Variants in PRPSAP1 observed in about 807,000 individuals in gnomAD.
PRPSAP1 encodes phosphoribosyl pyrophosphate synthase-associated protein 1.
PRPSAP1 carries 31 observed loss-of-function variants against 39.4 expected under a neutral mutation model. The observed-to-expected ratio is 0.79, with a 90% confidence interval of 0.59 to 1.06. The LOEUF (loss-of-function observed/expected upper bound fraction) is 1.06, where lower values mean the gene tolerates loss of function less well. Ranked by LOEUF, PRPSAP1 falls within the 50% of genes least tolerant of loss-of-function variation. PRPSAP1 has a pLI of 0.00. For missense variants in PRPSAP1, 430 were observed against 511.6 expected, an observed-to-expected ratio of 0.84 and a Z score of 1.54; for synonymous variants, 212 against 192.6, an observed-to-expected ratio of 1.10 and a Z score of -0.83.
chr17:76,335,184 T>C (rs934141821), intron 3 of PRPSAP1, among the ~76,000 whole-genome samples: 3 of 151,964 alleles, frequency 2.0e-5, no homozygotes, highest in Non-Finnish European at 4.4e-5. Flanking sequence ...CCTGGGTTCA[T>C]GCAATCTTCC....
intron 7 of PRPSAP1, among the ~76,000 whole-genome samples, chr17:76,316,163 G>A (rs1249067504): frequency 5.1e-5 from 7 of 137,052 alleles, no homozygotes; most frequent in Non-Finnish European, 3.1e-5. Flanking sequence ...GCAACAGAGT[G>A]AGACTCCGTC....
chr17:76,328,186 C>CA (rs56020637), intron 7 of PRPSAP1, among the ~76,000 whole-genome samples: 1,839 of 108,754 alleles, frequency 0.017, 33 homozygotes, highest in Middle Eastern at 0.038. Context: ...GATCCTTTCT[C>CA]AAAAAAAAAA....
Position 76,320,332 on chromosome 17 carries a change from G to A in PRPSAP1, c.782-6441C>T, listed in dbSNP as rs181540863. 2.3e-3 allele frequency among the ~76,000 whole-genome samples: 278 copies of A among 123,008 alleles called. 9 individuals are homozygous for A. The highest frequency in any genetic ancestry group is 3.5e-3 in the Non-Finnish European group (226 of 63,816). 80.7% of individuals were successfully genotyped at this position (123,008 alleles called of 152,430 possible). A position where few individuals can be genotyped will look rare whatever the true frequency, so the allele number is the denominator to read the frequency against. Reference sequence around the variant, plus strand: ...GGAAGGGAGGAAGGGAAGAAGGGAGGGAGGGAGGGAGGAAGGAAGGAAGAA... The same window carrying A: ...GGAAGGGAGGAAGGGAAGAAGGGAGAGAGGGAGGGAGGAAGGAAGGAAGAA... On this transcript the variant is annotated intron_variant, in intron 7 of 9. Transcript: ENST00000446526.
At chr17:76,352,644 C>CAA (rs55986677) in intron 1 of PRPSAP1, among the ~76,000 whole-genome samples, 543 of 52,478 alleles carry the variant, frequency 0.01, 10 homozygotes, top group East Asian at 0.028. Context: ...GACTCCGTCT[C>CAA]AAAAAAAAAA....
upstream of PRPSAP1, chr17:76,354,067 G>A (rs754124053): frequency 5.4e-4 from 572 of 1,064,148 alleles, 1 homozygote; most frequent in Non-Finnish European, 6.3e-4. Context: ...TGCTTTGACC[G>A]CTTCCACGGG....
At chr17:76,330,407 A>C (rs1375097618) in intron 5 of PRPSAP1, 144 bp downstream of exon 5, 1 of 663,604 alleles carries the variant, frequency 1.5e-6, no homozygotes, top group African/African-American at 1.8e-5. Context: ...CCACGACTAA[A>C]GCTGACCCTG....
intron 1 of PRPSAP1, chr17:76,353,233 C>A: frequency 2.8e-6 from 1 of 357,708 alleles, no homozygotes; most frequent in East Asian, 5.2e-5. Context: ...CACTCCGGGG[C>A]TCCAGAAAGC....
chr17:76,353,911 A>G lies in PRPSAP1; in HGVS notation c.-208T>C, dbSNP rs1049872283. 7.5e-6 allele frequency: 10 copies of G among 1,325,864 alleles called. No homozygotes were observed. The African/African-American group carries it at 9.3e-5, about 12-fold the overall frequency. 82.1% of individuals were successfully genotyped at this position (1,325,864 alleles called of 1,614,324 possible). ...CGCCCGGCGCCGCCGCCTCAGAGCC[A>G]GAGGCAAGGCCACCGCCCCCTCCGG... On this transcript the variant is annotated 5_prime_UTR_variant, in exon 1 of 10. Transcript: ENST00000446526.
At chr17:76,324,526 A>G (rs1289284244) in intron 7 of PRPSAP1, among the ~76,000 whole-genome samples, 1 of 151,802 alleles carries the variant, frequency 6.6e-6, no homozygotes, top group Non-Finnish European at 1.5e-5. Flanking sequence ...ACTTAAATCC[A>G]GGAGGTGGAA....
intron 8 of PRPSAP1, 122 bp downstream of exon 8, chr17:76,313,699 G>A: frequency 9.2e-7 from 1 of 1,087,644 alleles, no homozygotes; most frequent in Non-Finnish European, 1.4e-6. Flanking sequence ...GGGAGTTTGG[G>A]TGAGAAAGGA....
chr17:76,317,196 A>G (rs556879948), intron 7 of PRPSAP1, among the ~76,000 whole-genome samples: 14 of 152,318 alleles, frequency 9.2e-5, no homozygotes, highest in Admixed American at 2.0e-4. Flanking sequence ...CTAAAAATAT[A>G]AAAATTAGCC....
At chr17:76,329,185 C>G (rs2071290493) in intron 6 of PRPSAP1, among the ~76,000 whole-genome samples, 1 of 151,954 alleles carries the variant, frequency 6.6e-6, no homozygotes, top group African/African-American at 2.4e-5. Flanking sequence ...ATCCTCCCAC[C>G]TCAACCTCCC....
chr17:76,341,353 T>C (rs1460719600), intron 3 of PRPSAP1, among the ~76,000 whole-genome samples: 1 of 145,688 alleles, frequency 6.9e-6, no homozygotes. Context: ...TCCTCCCAAC[T>C]CAACCACCCG....
At position 76,331,200 on chromosome 17, in the gene PRPSAP1, T is replaced by C. The variant is rs1008755683; in HGVS notation, c.464-534A>G. 7.2e-5 allele frequency among the ~76,000 whole-genome samples: 11 copies of C among 152,208 alleles called. 1 individual carries two copies. The highest frequency in any genetic ancestry group is 5.9e-4 in the Admixed American group (9 of 15,270). ...GAAAAACAATGAAGAGATACTCTTA[T>C]AATCAAGAGTACTGAAGAGGAAAAG... is the stretch of plus-strand genomic sequence containing the variant. On this transcript the variant is annotated intron_variant, in intron 4 of 9. Transcript: ENST00000446526.
chr17:76,338,243 T>C (rs2143520319), intron 3 of PRPSAP1, among the ~76,000 whole-genome samples: 2 of 152,294 alleles, frequency 1.3e-5, no homozygotes, highest in South Asian at 4.1e-4. Context: ...AAGGTATCTA[T>C]GTGATTTTAG....
intron 3 of PRPSAP1, among the ~76,000 whole-genome samples, chr17:76,340,708 T>C (rs2071426690): frequency 6.6e-6 from 1 of 151,846 alleles, no homozygotes; most frequent in Non-Finnish European, 1.5e-5. Flanking sequence ...CTGACCAACA[T>C]GGAGAAACCC....
intron 3 of PRPSAP1, among the ~76,000 whole-genome samples, chr17:76,338,392 A>G (rs996525690): frequency 6.6e-6 from 1 of 152,166 alleles, no homozygotes; most frequent in African/African-American, 2.4e-5. Context: ...TCCTTCATCT[A>G]TGTAACCGCA....
intron 1 of PRPSAP1, among the ~76,000 whole-genome samples, chr17:76,349,311 A>T (rs1017213713): frequency 2.6e-5 from 4 of 151,890 alleles, no homozygotes; most frequent in Non-Finnish European, 5.9e-5. Context: ...TCTCAAAAAA[A>T]AAAAAAGCCA....
At chr17:76,331,332 G>C (rs572003049) in intron 4 of PRPSAP1, among the ~76,000 whole-genome samples, 1 of 152,268 alleles carries the variant, frequency 6.6e-6, no homozygotes, top group African/African-American at 2.4e-5. Context: ...GTTTTTTGGA[G>C]AGGATGAAAT....
Sources: allele counts gnomAD v4.1 joint callset (sites outside exome capture counted in the v4.1 genomes callset), GRCh38; gene constraint gnomAD v4.1.1; transcripts MANE v1.5; gene names NCBI Gene and HGNC (gene_info 2026-07-23, HGNC 2026-07-21).